Variants in INVS observed in about 807,000 individuals in gnomAD.
INVS encodes the protein inversin.
A neutral mutation model predicts 108.8 loss-of-function variants in INVS; 86 were observed. The observed-to-expected ratio is 0.79, with a 90% CI of 0.66 to 0.95. The LOEUF is 0.95. Among genes scored for constraint, INVS ranks in the 40% least tolerant of loss-of-function variants. The pLI is 0.00. For missense variants in INVS, 1,169 were observed against 1,297.4 expected (o/e 0.90, Z 1.52); for synonymous variants, 455 against 473.5 (o/e 0.96, Z 0.51).
chr9:100,227,913 T>C (rs1831382062), intron 4 of INVS, among the ~76,000 whole-genome samples: 1 of 152,194 alleles, frequency 6.6e-6, no homozygotes, highest in South Asian at 2.1e-4. Flanking sequence ...TAAAAACTTT[T>C]GTCTTCCTTT....
chr9:100,219,290 T>C (rs1415926), intron 3 of INVS, among the ~76,000 whole-genome samples: 46,180 of 152,006 alleles, frequency 0.3, 8,133 homozygotes, highest in Non-Finnish European at 0.41. Context: ...ACATTCCACC[T>C]CAATTCGGGA....
intron 3 of INVS, among the ~76,000 whole-genome samples, chr9:100,174,011 A>C (rs574811275): frequency 1.3e-5 from 2 of 152,370 alleles, no homozygotes; most frequent in Admixed American, 6.5e-5. Context: ...AACATAACAG[A>C]ATCCAGAATC....
At chr9:100,292,179 T>C (rs564670431) in intron 13 of INVS, 147 bp from the exon 14 acceptor site, 3 of 752,378 alleles carry the variant, frequency 4.0e-6, no homozygotes, top group African/African-American at 3.5e-5. Context: ...TTGCTGGAAA[T>C]AGAAGTTAAA....
chr9:100,177,268 G>A (rs1435301333), intron 3 of INVS, among the ~76,000 whole-genome samples: 2 of 152,136 alleles, frequency 1.3e-5, no homozygotes, highest in Non-Finnish European at 1.5e-5. Flanking sequence ...GAATGTCAGC[G>A]AGAGAGCACC....
intron 3 of INVS, among the ~76,000 whole-genome samples, chr9:100,187,687 C>G (rs1564150371): frequency 6.6e-6 from 1 of 151,882 alleles, no homozygotes; most frequent in African/African-American, 2.4e-5. Flanking sequence ...CCACCACACC[C>G]AGCTAATTTT....
At chr9:100,284,832 G>GT (rs530583139) in intron 13 of INVS, among the ~76,000 whole-genome samples, 1 of 151,884 alleles carries the variant, frequency 6.6e-6, no homozygotes, top group East Asian at 1.9e-4. Context: ...TTGATTTATG[G>GT]TTTTTTGTTT....
chr9:100,230,532 A>T (rs7033612), intron 5 of INVS, among the ~76,000 whole-genome samples: 25,033 of 151,252 alleles, frequency 0.17, 3,382 homozygotes, highest in African/African-American at 0.38. Context: ...ATTTTATTTT[A>T]TTTTGAGACA....
intron 11 of INVS, among the ~76,000 whole-genome samples, chr9:100,272,327 G>T (rs1427061434): frequency 1.3e-5 from 2 of 152,078 alleles, no homozygotes; most frequent in African/African-American, 4.8e-5. Context: ...GTGGTTATAA[G>T]AATCTCTTTT....
At chr9:100,259,157 G>A (rs551320825) in intron 10 of INVS, among the ~76,000 whole-genome samples, 4 of 152,308 alleles carry the variant, frequency 2.6e-5, no homozygotes, top group Admixed American at 6.5e-5. Context: ...CTGCCTTGCA[G>A]TTCGATCTCA....
chr9:100,103,424 C>T (rs1035851488), intron 1 of INVS, among the ~76,000 whole-genome samples: 4 of 151,834 alleles, frequency 2.6e-5, no homozygotes, highest in East Asian at 4.0e-4. Flanking sequence ...ATCAGGAGTT[C>T]GAGACCAGCC....
At chr9:100,169,364 T>C (rs1232669742) in intron 3 of INVS, among the ~76,000 whole-genome samples, 2 of 152,218 alleles carry the variant, frequency 1.3e-5, no homozygotes, top group Non-Finnish European at 2.9e-5. Context: ...ATTTATGGTA[T>C]AATGCCATCA....
intron 2 of INVS, among the ~76,000 whole-genome samples, chr9:100,119,388 CTT>C (rs748485414): frequency 5.3e-5 from 8 of 152,204 alleles, no homozygotes; most frequent in Non-Finnish European, 7.3e-5. Context: ...TTAACACAAA[CTT>C]AGCTTACAAA....
chr9:100,127,577 G>A lies in INVS; in HGVS notation c.273+1028G>A, dbSNP rs189989094. Among the ~76,000 whole-genome samples the A allele has an allele frequency of 2.0e-3, 307 of 152,056 alleles. 3 individuals are homozygous for A. The highest frequency in any genetic ancestry group is 0.015 in the Admixed American group (231 of 15,278). ...GCAATTAAAATGAGTTAGATCCAGC[G>A]GGAACTATTAGAGTTATTTTCTATT... is the stretch of plus-strand genomic sequence containing the variant. On this transcript the variant is annotated intron_variant, in intron 3 of 16. Transcript: ENST00000262457.
At chr9:100,124,310 G>A (rs550461481) in intron 2 of INVS, among the ~76,000 whole-genome samples, 26 of 151,288 alleles carry the variant, frequency 1.7e-4, no homozygotes, top group Non-Finnish European at 1.0e-4. Context: ...CACTAATTAG[G>A]TCCCTTTACC....
At chr9:100,135,591 T>C (rs1196957084) in intron 3 of INVS, among the ~76,000 whole-genome samples, 1 of 152,210 alleles carries the variant, frequency 6.6e-6, no homozygotes, top group Non-Finnish European at 1.5e-5. Flanking sequence ...TAGATACCTA[T>C]CCTGTTTTAC....
At chr9:100,292,175 G>GA (rs1833638121) in intron 13 of INVS, 151 bp from the exon 14 acceptor site, 1 of 739,474 alleles carries the variant, frequency 1.4e-6, no homozygotes. Flanking sequence ...CATATTGCTG[G>GA]AAATAGAAGT....
intron 3 of INVS, among the ~76,000 whole-genome samples, chr9:100,168,328 A>G (rs1829430376): frequency 6.6e-6 from 1 of 152,152 alleles, no homozygotes; most frequent in Admixed American, 6.6e-5. Flanking sequence ...CTAACAGAAC[A>G]TCAAGCTTGA....
At chr9:100,106,030 A>G (rs908242812) in intron 2 of INVS, among the ~76,000 whole-genome samples, 1 of 150,786 alleles carries the variant, frequency 6.6e-6, no homozygotes, top group African/African-American at 2.4e-5. Flanking sequence ...ATCATACCAC[A>G]TTTTTTCTGT....
intron 11 of INVS, among the ~76,000 whole-genome samples, chr9:100,270,946 G>C (rs79650316): frequency 6.7e-6 from 1 of 149,344 alleles, no homozygotes; most frequent in South Asian, 2.1e-4. Context: ...AAAAAAAAAA[G>C]AATGTGCCGA....
Sources: allele counts gnomAD v4.1 joint callset (sites outside exome capture counted in the v4.1 genomes callset), GRCh38; gene constraint gnomAD v4.1.1; transcripts MANE v1.5; gene names NCBI Gene and HGNC (gene_info 2026-07-23, HGNC 2026-07-21).